Variants in PWWP3A observed in about 807,000 individuals in gnomAD.
PWWP3A encodes PWWP domain-containing DNA repair factor 3A.
A neutral mutation model predicts 79.0 loss-of-function variants in PWWP3A; 53 were observed. The observed-to-expected ratio is 0.67, with a 90% CI of 0.54 to 0.84. The LOEUF (loss-of-function observed/expected upper bound fraction) is 0.84. Among genes scored for constraint, PWWP3A ranks in the 40% least tolerant of loss-of-function variants. The probability of loss-of-function intolerance (pLI) is 0.00; values close to 1 mark genes in which losing one functional copy is unlikely to be tolerated. For synonymous variants in PWWP3A, 443 were observed against 394.4 expected, an observed-to-expected ratio of 1.12 and a Z score of -1.46; for missense variants, 973 against 948.0, an observed-to-expected ratio of 1.03 and a Z score of -0.35.
intron 4 of PWWP3A, chr19:1,358,804 C>T: frequency 1.5e-6 from 1 of 658,024 alleles, no homozygotes; most frequent in South Asian, 1.5e-5. Context: ...CTTTCCTCTT[C>T]CTATAGTAAG....
At position 1,362,256 on chromosome 19, in the gene PWWP3A, A is replaced by C; in HGVS notation, c.1118A>C (p.Gln373Pro). Residue 373 changes from glutamine (Q) to proline (P), a missense_variant, in exon 6 of 14, where the codon CAG becomes CCG. Coordinates refer to ENST00000591337, the MANE Select transcript of PWWP3A (RefSeq NM_001369789.1). ...AATATCACATTATTGGCAGAGTGCC[A>C]GTCTTCCGAAGAGTCCATGGGGTCT... is the stretch of plus-strand genomic sequence containing the variant. ...PDSQKLEKECQSSEESMGSNS... is the reference protein window; with the variant it reads ...PDSQKLEKECPSSEESMGSNS... 6.2e-7 allele frequency: 1 copy of C among 1,610,464 alleles called. No homozygotes were observed. The highest frequency in any genetic ancestry group is 8.5e-7 in the Non-Finnish European group (1 of 1,178,704).
At chr19:1,356,225 T>C (rs2081860933) in intron 1 of PWWP3A, 99 bp from the exon 2 acceptor site, 2 of 646,530 alleles carry the variant, frequency 3.1e-6, no homozygotes, top group Admixed American at 4.3e-5. Flanking sequence ...AACCATCTAC[T>C]TGAGGCTAAG....
chr19:1,371,888 A>C (rs2082268902), intron 12 of PWWP3A, among the ~76,000 whole-genome samples: 1 of 150,570 alleles, frequency 6.6e-6, no homozygotes, highest in East Asian at 2.0e-4. Context: ...GCTCACTGCA[A>C]GCTCTGCCTC....
At chr19:1,361,672 T>C (rs963150409) in intron 5 of PWWP3A, among the ~76,000 whole-genome samples, 1 of 152,214 alleles carries the variant, frequency 6.6e-6, no homozygotes, top group African/African-American at 2.4e-5. Context: ...GGTCATCATC[T>C]CCTTAGCACG....
chr19:1,369,297 C>G lies in PWWP3A; in HGVS notation c.1455C>G (p.Ile485Met), dbSNP rs200651166. The change falls in exon 10 of 14, where the codon ATC (isoleucine) becomes ATG (methionine). Residue 485 changes from isoleucine (I) to methionine (M), a missense_variant. Physicochemically the swap from Ile to Met is conservative, Grantham distance 10. Transcript: ENST00000591337. This position sits in a 1 kb window ranked among gnomAD's most constrained non-coding sequence, Gnocchi z 4.0. ...NQAREDFNQD[I>M]GWCVSLITDY... ...CCAGGGAGGACTTCAACCAGGACAT[C>G]GGCTGGTGTGTCTCCCTCATCACCG... The G allele has an allele frequency of 2.5e-6, 4 of 1,614,102 alleles. No individual in the cohort carries two copies. The South Asian group carries it at 4.4e-5, about 18-fold the overall frequency.
rs2082233172 is a variant in PWWP3A at position 1,370,633 on chromosome 19, C to G, written c.1550-9C>G. Reference sequence around the variant, plus strand: ...CGCGCTGGTCCCACGACAGGTGCTTCTTTTGCAGGCTATCCTGTCCGAAAA... The same window carrying G: ...CGCGCTGGTCCCACGACAGGTGCTTGTTTTGCAGGCTATCCTGTCCGAAAA... On this transcript the variant is annotated splice_polypyrimidine_tract_variant and intron_variant, in intron 11 of 13. Transcript: ENST00000591337. 6.9e-7 allele frequency: 1 copy of G among 1,445,318 alleles called. No homozygotes were observed. Among genetic ancestry groups the G allele is most frequent in the Non-Finnish European group, 9.1e-7 (1 of 1,096,646 alleles). 89.5% of individuals were successfully genotyped at this position (1,445,318 alleles called of 1,614,324 possible). A position where few individuals can be genotyped will look rare whatever the true frequency, so the allele number is the denominator to read the frequency against.
Position 1,360,420 on chromosome 19 carries a change from G to A in PWWP3A, c.499G>A (p.Glu167Lys), listed in dbSNP as rs749912876. ...QQSLSSSFTC[E>K]KDPECKVDHK... ...AAGCCTGTCAAGTTCGTTCACTTGT[G>A]AAAAGGACCCCGAGTGCAAAGTGGA... The change falls in exon 5 of 14, where the codon GAA becomes AAA. Residue 167 changes from glutamate to lysine, a missense_variant. Glu to Lys is a moderately conservative substitution (Grantham distance 56). Transcript: ENST00000591337. This position sits in a 1 kb window ranked among gnomAD's most constrained non-coding sequence, Gnocchi z 4.4. 7 of 1,614,158 alleles carry A rather than the reference G, an allele frequency of 4.3e-6. No individual in the cohort carries two copies. Among genetic ancestry groups the A allele is most frequent in the African/African-American group, 1.3e-5 (1 of 75,046 alleles).
At chr19:1,371,881 C>T (rs2082268809) in intron 12 of PWWP3A, among the ~76,000 whole-genome samples, 2 of 148,536 alleles carry the variant, frequency 1.3e-5, no homozygotes, top group Admixed American at 6.8e-5. Flanking sequence ...AATCTCGGCT[C>T]ACTGCAAGCT....
chr19:1,358,164 C>A, intron 3 of PWWP3A: 4 of 474,000 alleles, frequency 8.4e-6, no homozygotes, highest in South Asian at 4.0e-5. Flanking sequence ...CTTTTAAATC[C>A]AGCCAACCTT....
Position 1,369,572 on chromosome 19 carries a change from C to G in PWWP3A, c.1499-24C>G. The G allele has an allele frequency of 1.9e-6, 3 of 1,613,954 alleles. No homozygotes were observed. Among genetic ancestry groups the G allele is most frequent in the Non-Finnish European group, 2.5e-6 (3 of 1,179,828 alleles). On this transcript the variant is annotated intron_variant, in intron 10 of 13. Coordinates refer to ENST00000591337, the MANE Select transcript of PWWP3A (RefSeq NM_001369789.1). The surrounding 1 kb of genome is among the most constrained non-coding windows in gnomAD (Gnocchi z 4.0). ...GGACTCCTCTTAGGTCTACACAGTG[C>G]TCTCTCCCCTCCACCCCCTGCAGGC...
rs1327894021 is a variant in PWWP3A, at chr19:1,369,379, G to A, written c.1498+39G>A. 1.9e-6 allele frequency: 3 copies of A among 1,603,560 alleles called. No individual in the cohort carries two copies. Among genetic ancestry groups the A allele is most frequent in the Admixed American group, 1.7e-5 (1 of 59,934 alleles). ...TGGGGAGGGGTGGAGCTGGGCAGCAGGCGTCCAGCCTCTGAAGACCCCTTG... is the reference window on the plus strand; with the variant it reads ...TGGGGAGGGGTGGAGCTGGGCAGCAAGCGTCCAGCCTCTGAAGACCCCTTG... On this transcript the variant is annotated intron_variant, in intron 10 of 13. Transcript: ENST00000591337. This position sits in a 1 kb window ranked among gnomAD's most constrained non-coding sequence, Gnocchi z 4.0.
At chr19:1,371,240 G>A in intron 12 of PWWP3A, 162 bp downstream of exon 12, 2 of 826,834 alleles carry the variant, frequency 2.4e-6, no homozygotes, top group Admixed American at 2.0e-5. Flanking sequence ...TCAGTGCTGG[G>A]AAATGCGAGT....
At chr19:1,375,113 C>T (rs2082337236) in intron 13 of PWWP3A, among the ~76,000 whole-genome samples, 1 of 150,630 alleles carries the variant, frequency 6.6e-6, no homozygotes, top group Admixed American at 6.6e-5. Flanking sequence ...GTCCCAGCTA[C>T]TCAGCAGGCT....
intron 13 of PWWP3A, among the ~76,000 whole-genome samples, chr19:1,375,668 A>C (rs1014767938): frequency 7.1e-6 from 1 of 141,192 alleles, no homozygotes; most frequent in Non-Finnish European, 1.5e-5. Context: ...ATTATATATA[A>C]AATGTACAAT....
intron 12 of PWWP3A, 149 bp downstream of exon 12, chr19:1,371,227 C>A: frequency 1.1e-6 from 1 of 879,820 alleles, no homozygotes; most frequent in South Asian, 1.4e-5. Flanking sequence ...TGTTTACATC[C>A]TGTCAGTGCT....
In PWWP3A at chr19:1,362,292, G is replaced by A. The variant is rs766816664; in HGVS notation, c.1154G>A (p.Arg385His). 5 of 1,614,092 alleles carry A rather than the reference G, an allele frequency of 3.1e-6. No individual in the cohort carries two copies. The highest frequency in any genetic ancestry group is 1.7e-5 in the Admixed American group (1 of 60,002). Reference sequence around the variant, plus strand: ...GAGTCCATGGGGTCTAATTCCATGCGTTCTATCCTGGAGGAAGACGAGGAA... The same window carrying A: ...GAGTCCATGGGGTCTAATTCCATGCATTCTATCCTGGAGGAAGACGAGGAA... Reference protein sequence around the residue: ...SEESMGSNSMRSILEEDEEDE... With the variant: ...SEESMGSNSMHSILEEDEEDE... Residue 385 changes from arginine to histidine, a missense_variant, in exon 6 of 14, where the codon CGT becomes CAT. Transcript: ENST00000591337.
At chr19:1,356,122 A>C (rs1356407603) in intron 1 of PWWP3A, among the ~76,000 whole-genome samples, 1 of 152,180 alleles carries the variant, frequency 6.6e-6, no homozygotes, top group Non-Finnish European at 1.5e-5. Context: ...TTATGAAAAA[A>C]TGCAGGCGCC....
intron 12 of PWWP3A, 172 bp from the exon 13 acceptor site, chr19:1,372,897 ACAT>A (rs1484096518): frequency 8.5e-6 from 5 of 590,796 alleles, no homozygotes; most frequent in South Asian, 2.1e-5. Flanking sequence ...TAATTAAGAA[ACAT>A]CATTACAAGC....
intron 11 of PWWP3A, among the ~76,000 whole-genome samples, chr19:1,370,146 A>G (rs937686699): frequency 1.3e-5 from 2 of 152,196 alleles, no homozygotes; most frequent in Admixed American, 1.3e-4. Context: ...AGGTGGGAGA[A>G]TGGCTTGAGC....
Sources: gnomAD v4.1 joint callset for allele counts (sites outside exome capture counted in the v4.1 genomes callset) on GRCh38, gnomAD v4.1.1 for gene constraint, Gnocchi (gnomAD v3.1) non-coding constraint, MANE v1.5 for transcripts, NCBI Gene and HGNC (gene_info 2026-07-23, HGNC 2026-07-21) for gene names.